Variants in ZKSCAN5 observed in about 807,000 individuals in gnomAD.
ZKSCAN5 encodes zinc finger with KRAB and SCAN domains 5, also known as zinc finger protein with KRAB and SCAN domains 5.
ZKSCAN5 carries 28 observed loss-of-function variants against 60.0 expected under a neutral mutation model. The ratio of observed to expected loss-of-function variants is 0.47; its 90% CI spans 0.35 to 0.64. ZKSCAN5 has a LOEUF of 0.64. Among genes scored for constraint, ZKSCAN5 ranks in the 30% least tolerant of loss-of-function variants. ZKSCAN5 has a pLI of 0.01. For missense variants in ZKSCAN5, 881 were observed against 1,034.6 expected, an observed-to-expected ratio of 0.85 and a Z score of 2.04; for synonymous variants, 361 against 371.2, an observed-to-expected ratio of 0.97 and a Z score of 0.31.
intron 1 of ZKSCAN5, chr7:99,505,509 C>T (rs1003262040): frequency 1.3e-5 from 2 of 156,252 alleles, no homozygotes; most frequent in African/African-American, 4.8e-5. Context: ...CAGATCTGTA[C>T]CTTATAAACG....
At chr7:99,515,412 A>T (rs1006243830) in intron 3 of ZKSCAN5, among the ~76,000 whole-genome samples, 1 of 152,000 alleles carries the variant, frequency 6.6e-6, no homozygotes, top group African/African-American at 2.4e-5. Context: ...GTCTCAAAAA[A>T]AAAAACAAAA....
chr7:99,513,096 C>T (rs1276806959), intron 3 of ZKSCAN5, among the ~76,000 whole-genome samples: 1 of 150,408 alleles, frequency 6.6e-6, no homozygotes, highest in East Asian at 2.0e-4. Flanking sequence ...TTTGTTCTTG[C>T]GATAGTTTAC....
intron 4 of ZKSCAN5, 122 bp downstream of exon 4, chr7:99,520,031 C>A: frequency 6.7e-7 from 1 of 1,492,362 alleles, no homozygotes; most frequent in Non-Finnish European, 9.2e-7. Flanking sequence ...TGGCCTTTTT[C>A]CTTTCTGCCT....
At chr7:99,511,778 C>A (rs1319254489) in intron 2 of ZKSCAN5, among the ~76,000 whole-genome samples, 1 of 150,124 alleles carries the variant, frequency 6.7e-6, no homozygotes, top group East Asian at 2.0e-4. Flanking sequence ...TTTTTCCCGG[C>A]TGGCTTCTTC....
rs1802149121 is a variant in ZKSCAN5, at chr7:99,533,663, G to A, written c.*1414G>A. 2 of 401,936 alleles carry A rather than the reference G, an allele frequency of 5.0e-6. No individual in the cohort carries two copies. Among genetic ancestry groups the A allele is most frequent in the Non-Finnish European group, 8.8e-6 (2 of 228,100 alleles). 24.9% of individuals were successfully genotyped at this position (401,936 alleles called of 1,614,324 possible). On this transcript the variant is annotated 3_prime_UTR_variant, in exon 7 of 7. Coordinates refer to ENST00000326775, the MANE Select transcript of ZKSCAN5 (RefSeq NM_145102.4). ...CCAACACCTGGTTCATTTGATTAAA[G>A]CGGAGAAAACTCCAGGGTGCTATGA...
intron 3 of ZKSCAN5, among the ~76,000 whole-genome samples, chr7:99,519,246 T>C (rs1801408861): frequency 6.7e-6 from 1 of 150,288 alleles, no homozygotes. Context: ...AGTACTAGGA[T>C]TACAGGCGTG....
At position 99,532,114 on chromosome 7, in the gene ZKSCAN5, T is replaced by C. The variant is rs867419745; in HGVS notation, c.2385T>C (p.His795=). Reference sequence around the variant, plus strand: ...ATCTTAATCAACATCAGAGAATCCATACTGGTGAGAAACCTTTTCAATGTA... The same window carrying C: ...ATCTTAATCAACATCAGAGAATCCACACTGGTGAGAAACCTTTTCAATGTA... The part of the protein sequence containing the change: ...KSHLNQHQRI[H]TGEKPFQCKE... The change falls in exon 7 of 7, where the codon CAT becomes CAC. Residue 795 remains histidine, a synonymous_variant. Coordinates refer to ENST00000326775, the MANE Select transcript of ZKSCAN5 (RefSeq NM_145102.4). The C allele has an allele frequency of 2.5e-6, 4 of 1,614,174 alleles. 1 individual carries two copies. The Middle Eastern group carries it at 4.9e-4, about 200-fold the overall frequency.
intron 2 of ZKSCAN5, 148 bp downstream of exon 2, chr7:99,506,606 A>G (rs1415407933): frequency 6.8e-6 from 6 of 877,670 alleles, no homozygotes; most frequent in Non-Finnish European, 8.5e-6. Flanking sequence ...CCACTCCAGC[A>G]AAGAGAAGCA....
chr7:99,520,262 A>C lies in ZKSCAN5; in HGVS notation c.730A>C (p.Arg244=), dbSNP rs770801332. The C allele has an allele frequency of 1.9e-6, 3 of 1,614,032 alleles. No homozygotes were observed. The highest frequency in any genetic ancestry group is 2.5e-6 in the Non-Finnish European group (3 of 1,180,026). ...HLDQSQKSLY[R]DDRKENYGSI... ...GGACCAGTCCCAGAAGTCCCTTTAT[A>C]GGGATGACAGGAAGGAGAACTATGG... Residue 244 remains arginine (R), a synonymous_variant, in exon 5 of 7, where the codon AGG becomes CGG. Coordinates refer to ENST00000326775, the MANE Select transcript of ZKSCAN5 (RefSeq NM_145102.4).
chr7:99,524,835 G>C (rs1012721186), intron 5 of ZKSCAN5, among the ~76,000 whole-genome samples: 1 of 152,104 alleles, frequency 6.6e-6, no homozygotes, highest in Non-Finnish European at 1.5e-5. Context: ...GTGAAGATGG[G>C]GTTAGCTGCA....
Position 99,531,716 on chromosome 7 carries a change from T to C in ZKSCAN5, c.1987T>C (p.Cys663Arg). The change falls in exon 7 of 7, where the codon TGT (cysteine) becomes CGT (arginine). Residue 663 changes from cysteine (C) to arginine (R), a missense_variant. This residue lies in a region of ZKSCAN5 where 112 missense variants were observed against 182.4 expected (regional missense o/e 0.61). Transcript: ENST00000326775. ...CCACTCCCGAGAGAAATCCCATCAG[T>C]GTCGTGAATGTGGGGAAATCTTTTT... is the stretch of plus-strand genomic sequence containing the variant. Reference protein sequence around the residue: ...RLHSREKSHQCRECGEIFFQY... With the variant: ...RLHSREKSHQRRECGEIFFQY... 6.2e-7 allele frequency: 1 copy of C among 1,614,068 alleles called. No homozygotes were observed. The highest frequency in any genetic ancestry group is 8.5e-7 in the Non-Finnish European group (1 of 1,179,998).
intron 6 of ZKSCAN5, among the ~76,000 whole-genome samples, chr7:99,529,648 T>A (rs570744455): frequency 1.3e-5 from 2 of 152,328 alleles, no homozygotes; most frequent in Admixed American, 6.5e-5. Flanking sequence ...CATACTGTTA[T>A]CCACAGAAGT....
At chr7:99,518,326 C>A (rs1033558762) in intron 3 of ZKSCAN5, among the ~76,000 whole-genome samples, 14 of 151,826 alleles carry the variant, frequency 9.2e-5, no homozygotes, top group African/African-American at 2.9e-4. Flanking sequence ...GAGGCTGAGG[C>A]AGGAGAATTG....
At chr7:99,528,239 C>G (rs576591216) in intron 6 of ZKSCAN5, among the ~76,000 whole-genome samples, 3 of 151,522 alleles carry the variant, frequency 2.0e-5, no homozygotes, top group African/African-American at 7.3e-5. Context: ...GAGCTATCCT[C>G]TCAGCTAGTG....
intron 2 of ZKSCAN5, among the ~76,000 whole-genome samples, chr7:99,508,629 G>A (rs552223965): frequency 6.6e-6 from 1 of 150,666 alleles, no homozygotes; most frequent in African/African-American, 2.4e-5. Flanking sequence ...TGCACCTGTA[G>A]TCTCAGCTAC....
At chr7:99,514,477 C>T (rs1801178227) in intron 3 of ZKSCAN5, among the ~76,000 whole-genome samples, 1 of 152,126 alleles carries the variant, frequency 6.6e-6, no homozygotes, top group Non-Finnish European at 1.5e-5. Context: ...AAGGTGTTAG[C>T]GATCTTTTTG....
At chr7:99,526,515 TG>T (rs754525438) in intron 6 of ZKSCAN5, 97 bp downstream of exon 6, 361 of 1,481,920 alleles carry the variant, frequency 2.4e-4, no homozygotes, top group Middle Eastern at 3.6e-4. Context: ...GTGGTGATAC[TG>T]GGGGGGGTAG....
At chr7:99,519,955 T>C (rs747854056) in intron 4 of ZKSCAN5, 46 bp downstream of exon 4, 61 of 1,600,162 alleles carry the variant, frequency 3.8e-5, no homozygotes, top group Non-Finnish European at 5.0e-5. Flanking sequence ...ATCCTGAACC[T>C]TCACCAAGAG....
Position 99,532,576 on chromosome 7 carries a change from G to GAAACTCAA in ZKSCAN5, c.*329_*330insACTCAAAA, listed in dbSNP as rs1476710890. On this transcript the variant is annotated 3_prime_UTR_variant, in exon 7 of 7. Coordinates refer to ENST00000326775, the MANE Select transcript of ZKSCAN5 (RefSeq NM_145102.4). The stretch of plus-strand genomic sequence containing the variant: ...ACTTGAAACTCAAAACTGACACTAG[G>GAAACTCAA]AACAGCTTCATGAGTTCAGTAGAAG... 3 of 222,802 alleles carry GAAACTCAA rather than the reference G, an allele frequency of 1.3e-5. No homozygotes were observed. The highest frequency in any genetic ancestry group is 2.6e-5 in the Non-Finnish European group (3 of 114,150). The allele number at this position is 222,802 out of a possible 1,614,324, so 13.8% of individuals were successfully genotyped here. A position where few individuals can be genotyped will look rare whatever the true frequency, so the allele number is the denominator to read the frequency against.
Sources: allele counts gnomAD v4.1 joint callset (sites outside exome capture counted in the v4.1 genomes callset), GRCh38; gene constraint gnomAD v4.1.1; regional missense constraint gnomAD v4.1.1; transcripts MANE v1.5; gene names NCBI Gene and HGNC (gene_info 2026-07-23, HGNC 2026-07-21).